NTM: variants seen among roughly 807,000 people sequenced by gnomAD.
NTM encodes IgLON family member 2.
A neutral mutation model predicts 42.1 loss-of-function variants in NTM; 13 were observed. That is an observed-to-expected ratio of 0.31 (90% CI 0.20 to 0.49). The LOEUF (loss-of-function observed/expected upper bound fraction) is 0.49, where lower values mean the gene tolerates loss of function less well. NTM is among the 20% of genes least tolerant of loss of function. The probability of loss-of-function intolerance (pLI) is 0.99; values close to 1 mark genes in which losing one functional copy is unlikely to be tolerated. For synonymous variants in NTM, 187 were observed against 179.2 expected, an observed-to-expected ratio of 1.04 and a Z score of -0.35; for missense variants, 373 against 452.8, an observed-to-expected ratio of 0.82 and a Z score of 1.60.
intron 2 of NTM, among the ~76,000 whole-genome samples, chr11:131,929,613 C>A (rs2058373704): frequency 6.6e-6 from 1 of 152,142 alleles, no homozygotes; most frequent in Admixed American, 6.5e-5. Context: ...ATTCCCTGTG[C>A]CACGTCCATT....
chr11:132,236,888 G>T (rs1426265475), intron 4 of NTM, among the ~76,000 whole-genome samples: 6 of 152,216 alleles, frequency 3.9e-5, no homozygotes, highest in Non-Finnish European at 8.8e-5. Context: ...AGGCCACACA[G>T]CTTCTGCTGG....
At position 131,576,619 on chromosome 11, in the gene NTM, A is replaced by T. The variant is rs980153405; in HGVS notation, c.82+205731A>T. On this transcript the variant is annotated intron_variant, in intron 1 of 8. Coordinates refer to ENST00000683400, the MANE Select transcript of NTM (RefSeq NM_001352005.2). ...CCATGTAAACATAAGAAAATGCCTA[A>T]CTCAAAAGAAAAATATAATCTCTAA... is the stretch of plus-strand genomic sequence containing the variant. Among the ~76,000 whole-genome samples, 4 of 152,310 alleles carry T rather than the reference A, an allele frequency of 2.6e-5. No individual in the cohort carries two copies. In the East Asian group the frequency reaches 7.7e-4, roughly 29 times the overall value.
intron 1 of NTM, among the ~76,000 whole-genome samples, chr11:131,584,616 G>T (rs1342859076): frequency 2.0e-5 from 3 of 152,162 alleles, no homozygotes; most frequent in African/African-American, 7.2e-5. Context: ...GCGTGTATTT[G>T]TTTATTTTTT....
intron 1 of NTM, among the ~76,000 whole-genome samples, chr11:131,444,474 A>C (rs1014934026): frequency 1.3e-5 from 2 of 152,184 alleles, no homozygotes; most frequent in Non-Finnish European, 2.9e-5. Flanking sequence ...TTTCAATAGA[A>C]TAGGGAGGAT....
intron 7 of NTM, 79 bp from the exon 8 acceptor site, chr11:132,330,074 C>T (rs2095769106): frequency 5.8e-6 from 9 of 1,539,428 alleles, no homozygotes; most frequent in Admixed American, 2.0e-5. Flanking sequence ...CCAGCTTCTT[C>T]CTGAAATCAT....
chr11:132,055,543 C>G (rs1031998775), intron 2 of NTM, among the ~76,000 whole-genome samples: 2 of 152,040 alleles, frequency 1.3e-5, no homozygotes, highest in South Asian at 4.1e-4. Context: ...CAGCCTGGGA[C>G]GACAGGCAGG....
chr11:131,891,343 A>G (rs1386582837), intron 1 of NTM, among the ~76,000 whole-genome samples: 1 of 152,134 alleles, frequency 6.6e-6, no homozygotes, highest in Non-Finnish European at 1.5e-5. Flanking sequence ...AGGGGTGAAT[A>G]GTGTTGATTG....
chr11:131,828,293 A>G (rs1413227068), intron 1 of NTM, among the ~76,000 whole-genome samples: 4 of 152,010 alleles, frequency 2.6e-5, no homozygotes, highest in East Asian at 1.9e-4. Context: ...CACTTTCACT[A>G]TTAACACCAG....
intron 3 of NTM, among the ~76,000 whole-genome samples, chr11:132,209,863 C>T (rs548110221): frequency 5.3e-5 from 8 of 152,186 alleles, no homozygotes; most frequent in East Asian, 1.9e-4. Context: ...GTACAGCACA[C>T]GCTTATTAAT....
intron 1 of NTM, among the ~76,000 whole-genome samples, chr11:131,870,978 A>G (rs555497096): frequency 6.6e-6 from 1 of 152,330 alleles, no homozygotes; most frequent in East Asian, 1.9e-4. Flanking sequence ...ACCTGACCTA[A>G]CCTAAATACA....
At chr11:131,484,035 G>A (rs746402696) in intron 1 of NTM, among the ~76,000 whole-genome samples, 11 of 152,102 alleles carry the variant, frequency 7.2e-5, no homozygotes, top group African/African-American at 1.9e-4. Flanking sequence ...TTTCTTTGTC[G>A]GAGACAACAA....
intron 1 of NTM, among the ~76,000 whole-genome samples, chr11:131,483,960 AT>A (rs34272457): frequency 0.31 from 46,745 of 152,142 alleles, 7,298 homozygotes; most frequent in Non-Finnish European, 0.32. Flanking sequence ...AGTGACTATC[AT>A]TTTTTTGTGT....
chr11:132,155,528 C>T (rs1249103395), intron 3 of NTM, among the ~76,000 whole-genome samples: 5 of 152,164 alleles, frequency 3.3e-5, no homozygotes, highest in African/African-American at 4.8e-5. Flanking sequence ...CAGCCTCAGC[C>T]GCCTCCGCGG....
At chr11:132,256,410 G>A (rs1429517084) in intron 4 of NTM, among the ~76,000 whole-genome samples, 1 of 152,170 alleles carries the variant, frequency 6.6e-6, no homozygotes, top group Non-Finnish European at 1.5e-5. Flanking sequence ...TAGAGTGCGG[G>A]CCAACCTAAT....
chr11:132,196,846 T>C lies in NTM; in HGVS notation c.401-15176T>C, dbSNP rs2080303317. ...TTGCTATGGTCACTACCTGGGTGAC[T>C]GGATCATTAATACACCAAATTTACC... On this transcript the variant is annotated intron_variant, in intron 3 of 8. Coordinates refer to ENST00000683400, the MANE Select transcript of NTM (RefSeq NM_001352005.2). Among the ~76,000 whole-genome samples the C allele has an allele frequency of 2.0e-5, 3 of 152,186 alleles. No individual in the cohort carries two copies. In the South Asian group the frequency reaches 6.2e-4, roughly 32 times the overall value.
chr11:132,128,351 C>T (rs957729139), intron 2 of NTM, among the ~76,000 whole-genome samples: 10 of 152,060 alleles, frequency 6.6e-5, no homozygotes, highest in African/African-American at 2.4e-4. Context: ...AATATGCATA[C>T]ACAATGTTAC....
intron 1 of NTM, among the ~76,000 whole-genome samples, chr11:131,751,244 G>C (rs915268488): frequency 6.6e-6 from 1 of 151,920 alleles, no homozygotes; most frequent in African/African-American, 2.4e-5. Context: ...GACCATCCTG[G>C]CCAACATGGT....
chr11:132,303,409 A>G (rs2094939882), intron 4 of NTM, among the ~76,000 whole-genome samples: 1 of 152,210 alleles, frequency 6.6e-6, no homozygotes, highest in African/African-American at 2.4e-5. Context: ...TCACATGGTC[A>G]TCTTCACCCT....
At chr11:131,940,639 A>G (rs2059696928) in intron 2 of NTM, among the ~76,000 whole-genome samples, 1 of 152,142 alleles carries the variant, frequency 6.6e-6, no homozygotes, top group Non-Finnish European at 1.5e-5. Flanking sequence ...TTCTTATTTT[A>G]TCTCTTTAAG....
Sources: allele counts gnomAD v4.1 joint callset (sites outside exome capture counted in the v4.1 genomes callset), GRCh38; gene constraint gnomAD v4.1.1; transcripts MANE v1.5; gene names NCBI Gene and HGNC (gene_info 2026-07-23, HGNC 2026-07-21).